Variants in PTPRT observed in about 807,000 individuals in gnomAD.
The protein encoded by PTPRT is receptor-type tyrosine-protein phosphatase T.
PTPRT carries 56 observed loss-of-function variants against 176.8 expected under a neutral mutation model. The observed-to-expected ratio is 0.32, with a 90% CI of 0.26 to 0.40. The LOEUF is 0.40. Among genes scored for constraint, PTPRT ranks in the 10% least tolerant of loss-of-function variants. The probability of loss-of-function intolerance (pLI) is 1.00; values close to 1 mark genes in which losing one functional copy is unlikely to be tolerated. For synonymous variants in PTPRT, 783 were observed against 739.0 expected (o/e 1.06, Z -0.96); for missense variants, 1,540 against 1,908.2 (o/e 0.81, Z 3.60).
chr20:42,990,245 T>C (rs926510218), intron 1 of PTPRT, among the ~76,000 whole-genome samples: 1 of 152,170 alleles, frequency 6.6e-6, no homozygotes, highest in African/African-American at 2.4e-5. Flanking sequence ...TAAAGTTTTA[T>C]TGGGAAAAAA....
chr20:42,886,038 GAGA>G (rs904154943), intron 1 of PTPRT, 106 bp from the exon 2 acceptor site: 1 of 783,302 alleles, frequency 1.3e-6, no homozygotes, highest in African/African-American at 1.9e-5. Context: ...TTAAACTCTG[GAGA>G]AGATTTTCCA....
At chr20:42,978,445 C>T (rs567020429) in intron 1 of PTPRT, among the ~76,000 whole-genome samples, 1 of 152,158 alleles carries the variant, frequency 6.6e-6, no homozygotes, top group African/African-American at 2.4e-5. Flanking sequence ...ATATACTAAA[C>T]TGCTCTCCAG....
chr20:42,646,244 T>C (rs1475672728), intron 7 of PTPRT, among the ~76,000 whole-genome samples: 2 of 152,028 alleles, frequency 1.3e-5, no homozygotes, highest in Non-Finnish European at 1.5e-5. Context: ...GCATAGGCTA[T>C]GCAAGGCTGG....
intron 7 of PTPRT, among the ~76,000 whole-genome samples, chr20:42,580,983 G>T (rs567401993): frequency 6.6e-6 from 1 of 151,964 alleles, no homozygotes; most frequent in Non-Finnish European, 1.5e-5. Context: ...GTCTTGTGCC[G>T]AGTCTTGCAA....
intron 12 of PTPRT, among the ~76,000 whole-genome samples, chr20:42,289,575 A>G (rs556043839): frequency 3.2e-4 from 49 of 152,274 alleles, no homozygotes; most frequent in African/African-American, 1.1e-3. Context: ...TCAAAACAAG[A>G]TACTGTCTCA....
intron 1 of PTPRT, among the ~76,000 whole-genome samples, chr20:43,072,151 C>G (rs556789622): frequency 1.3e-5 from 2 of 152,222 alleles, no homozygotes; most frequent in Non-Finnish European, 2.9e-5. Flanking sequence ...GTGGCCAACA[C>G]TTCTGAGACT....
chr20:42,081,592 GC>G (rs1441107578), intron 30 of PTPRT, among the ~76,000 whole-genome samples: 1 of 152,174 alleles, frequency 6.6e-6, no homozygotes, highest in African/African-American at 2.4e-5. Context: ...TACTAATCCA[GC>G]ATCCTTTCCT....
At chr20:42,882,090 G>A (rs930461109) in intron 2 of PTPRT, among the ~76,000 whole-genome samples, 2 of 152,154 alleles carry the variant, frequency 1.3e-5, no homozygotes, top group African/African-American at 4.8e-5. Flanking sequence ...CAAAGGGGAT[G>A]GGCAAAAAGC....
chr20:42,942,528 A>G (rs1214839452), intron 1 of PTPRT, among the ~76,000 whole-genome samples: 1 of 152,222 alleles, frequency 6.6e-6, no homozygotes, highest in Non-Finnish European at 1.5e-5. Context: ...GTTTATCTAA[A>G]GTCTGTCTCC....
intron 7 of PTPRT, among the ~76,000 whole-genome samples, chr20:42,541,086 T>C (rs966702023): frequency 6.6e-6 from 1 of 152,172 alleles, no homozygotes; most frequent in African/African-American, 2.4e-5. Context: ...CAAAGAACAA[T>C]TTGATGATTT....
chr20:42,900,479 C>T (rs951440203), intron 1 of PTPRT, among the ~76,000 whole-genome samples: 5 of 152,304 alleles, frequency 3.3e-5, no homozygotes, highest in Non-Finnish European at 7.4e-5. Context: ...CCTTTCATCA[C>T]AGCCACATCC....
chr20:42,842,512 C>G (rs2078295756), intron 2 of PTPRT, among the ~76,000 whole-genome samples: 1 of 152,048 alleles, frequency 6.6e-6, no homozygotes, highest in Non-Finnish European at 1.5e-5. Flanking sequence ...CTCTGCCCCC[C>G]AGATTCAAGC....
chr20:42,193,265 A>G lies in PTPRT; in HGVS notation c.2491+5975T>C, dbSNP rs141975904. On this transcript the variant is annotated intron_variant, in intron 16 of 30. Coordinates refer to ENST00000373187, the MANE Select transcript of PTPRT (RefSeq NM_007050.6). The stretch of plus-strand genomic sequence containing the variant: ...GACTCCATATTTGAGCATGCTTATC[A>G]TAGTACCTGGCACCTTGTGGGAATC... Among the ~76,000 whole-genome samples the G allele has an allele frequency of 3.8e-3, 575 of 152,384 alleles. 12 individuals are homozygous for G. Among genetic ancestry groups the G allele is most frequent in the Admixed American group, 0.034 (513 of 15,302 alleles).
Position 42,248,793 on chromosome 20 carries a change from C to T in PTPRT, c.2206G>A (p.Glu736Lys). ...GTGTTGTCCACCTGCTTCTCTGGCT[C>T]CACAGTGTTAGAATTCTGGGTGGAG... ...GASTQNSNTV[E>K]PEKQVDNTVK... The change falls in exon 14 of 31, where the codon GAG becomes AAG. Residue 736 changes from glutamate to lysine, a missense_variant. This residue lies in a region of PTPRT where 255 missense variants were observed against 250.1 expected (regional missense o/e 1.02). Coordinates refer to ENST00000373187, the MANE Select transcript of PTPRT (RefSeq NM_007050.6). 1 of 1,613,990 alleles carries T rather than the reference C, an allele frequency of 6.2e-7. No individual in the cohort carries two copies. The highest frequency in any genetic ancestry group is 8.5e-7 in the Non-Finnish European group (1 of 1,179,972).
intron 12 of PTPRT, among the ~76,000 whole-genome samples, chr20:42,282,897 C>T (rs1318661047): frequency 1.3e-5 from 2 of 152,104 alleles, no homozygotes; most frequent in African/African-American, 4.8e-5. Context: ...CATGAGTGAG[C>T]AGATGGAAGG....
chr20:42,926,467 A>C (rs1351175311), intron 1 of PTPRT, among the ~76,000 whole-genome samples: 2 of 152,218 alleles, frequency 1.3e-5, no homozygotes, highest in Non-Finnish European at 2.9e-5. Flanking sequence ...AGCTTATAGC[A>C]ATCCTCAAGG....
chr20:42,081,942 A>C lies in PTPRT; in HGVS notation c.4212T>G (p.Ile1404Met), dbSNP rs540166971. The C allele has an allele frequency of 3.3e-5, 53 of 1,614,244 alleles. 1 individual carries two copies. In the South Asian group the frequency reaches 5.4e-4, roughly 16 times the overall value. The change falls in exon 30 of 31, where the codon ATT (isoleucine) becomes ATG (methionine). Residue 1404 changes from isoleucine to methionine, a missense_variant. Around this residue, in one of 11 missense-constraint regions of PTPRT, gnomAD observed 342 missense variants for 394.0 expected, o/e 0.87. Transcript: ENST00000373187. ...VCEMIQQQNI[I>M]DVFHIVKTLR... ...GTGTTTTCACGATGTGGAACACGTCAATGATGTTTTGCTGCTGGATCATCT... is the reference window on the plus strand; with the variant it reads ...GTGTTTTCACGATGTGGAACACGTCCATGATGTTTTGCTGCTGGATCATCT...
At chr20:42,737,206 C>G (rs77782863) in intron 6 of PTPRT, among the ~76,000 whole-genome samples, 4,777 of 152,248 alleles carry the variant, frequency 0.031, 210 homozygotes, top group African/African-American at 0.097. Flanking sequence ...TGGCATCCTT[C>G]TAAAATGAGG....
intron 7 of PTPRT, among the ~76,000 whole-genome samples, chr20:42,533,844 T>C (rs1039950504): frequency 1.3e-5 from 2 of 152,132 alleles, no homozygotes; most frequent in Admixed American, 1.3e-4. Context: ...GTAAATTGGG[T>C]CAATGGTTGT....
Sources: allele counts gnomAD v4.1 joint callset (sites outside exome capture counted in the v4.1 genomes callset), GRCh38; gene constraint gnomAD v4.1.1; regional missense constraint gnomAD v4.1.1; transcripts MANE v1.5; gene names NCBI Gene and HGNC (gene_info 2026-07-23, HGNC 2026-07-21).